Variants in BDP1 observed in about 807,000 individuals in gnomAD.
BDP1 encodes transcription factor TFIIIB component B'' homolog.
A neutral mutation model predicts 266.6 loss-of-function variants in BDP1; 169 were observed. That is an observed-to-expected ratio of 0.63 (90% CI 0.56 to 0.72). The LOEUF (loss-of-function observed/expected upper bound fraction) is 0.72, where lower values mean the gene tolerates loss of function less well. Ranked by LOEUF, BDP1 falls within the 30% of genes least tolerant of loss-of-function variation. The probability of loss-of-function intolerance (pLI) is 0.00; values close to 1 mark genes in which losing one functional copy is unlikely to be tolerated. For missense variants in BDP1, 3,015 were observed against 3,053.8 expected, an observed-to-expected ratio of 0.99 and a Z score of 0.30; for synonymous variants, 1,090 against 1,022.4, an observed-to-expected ratio of 1.07 and a Z score of -1.26.
chr5:71,576,494 G>A, the BDP1 span, among the ~76,000 whole-genome samples: 6 of 152,250 alleles, frequency 3.9e-5, no homozygotes, highest in Admixed American at 3.3e-4. Context: ...TAATGTAACC[G>A]GTGTGCTAAC....
intron 22 of BDP1, among the ~76,000 whole-genome samples, chr5:71,521,360 T>A (rs1229887525): frequency 6.7e-6 from 1 of 149,504 alleles, no homozygotes; most frequent in Non-Finnish European, 1.5e-5. Flanking sequence ...TGGTGCAACT[T>A]CGCCTCACTG....
intron 4 of BDP1, 123 bp from the exon 5 acceptor site, chr5:71,465,973 T>G: frequency 9.7e-7 from 1 of 1,030,110 alleles, no homozygotes; most frequent in Non-Finnish European, 1.4e-6. Flanking sequence ...TGTTTTCATT[T>G]GGATTATAGG....
chr5:71,547,676 C>A lies in BDP1; in HGVS notation c.6745-1006C>A, dbSNP rs550651819. On this transcript the variant is annotated intron_variant, in intron 32 of 38. Coordinates refer to ENST00000358731, the MANE Select transcript of BDP1 (RefSeq NM_018429.3). ...GTTTTAAGATTTTAAGCAGGCCAGGCGCAGTGGCTCACACCTGTATTCCAG... is the reference window on the plus strand; with the variant it reads ...GTTTTAAGATTTTAAGCAGGCCAGGAGCAGTGGCTCACACCTGTATTCCAG... Among the ~76,000 whole-genome samples, 59 of 152,296 alleles carry A rather than the reference C, an allele frequency of 3.9e-4. No individual in the cohort carries two copies. In the South Asian group the frequency reaches 4.8e-3, roughly 12 times the overall value.
chr5:71,467,545 T>G, intron 6 of BDP1, 58 bp downstream of exon 6: 6 of 1,430,378 alleles, frequency 4.2e-6, no homozygotes, highest in Non-Finnish European at 5.8e-6. Flanking sequence ...ATTGACTGTT[T>G]CTGAATTAAA....
rs368155754 is a variant in BDP1 at position 71,496,008 on chromosome 5, C to T, written c.1799+600C>T. Among the ~76,000 whole-genome samples the T allele has an allele frequency of 1.5e-3, 235 of 151,974 alleles. 4 individuals carry two copies. In the South Asian group the frequency reaches 0.041, roughly 27 times the overall value. On this transcript the variant is annotated intron_variant, in intron 12 of 38. Coordinates refer to ENST00000358731, the MANE Select transcript of BDP1 (RefSeq NM_018429.3). ...CTGTAATCCCAGCACTTTGGGAGGC[C>T]GAGGCGGGCGGATCAGGAGGTCAGG...
rs138908850 is a variant in BDP1 at position 71,466,954 on chromosome 5, A to G, written c.786-400A>G. Among the ~76,000 whole-genome samples the G allele has an allele frequency of 2.4e-3, 368 of 152,324 alleles. 2 individuals are homozygous for G. Among genetic ancestry groups the G allele is most frequent in the African/African-American group, 8.5e-3 (354 of 41,584 alleles). On this transcript the variant is annotated intron_variant, in intron 5 of 38. Transcript: ENST00000358731. ...TTACTGGTCATTAAATAGTTAGAGCATATTTAACTGCTTTCTCTGCAGGAA... is the reference window on the plus strand; with the variant it reads ...TTACTGGTCATTAAATAGTTAGAGCGTATTTAACTGCTTTCTCTGCAGGAA...
At chr5:71,515,235 G>A (rs867390632) in intron 20 of BDP1, 113 bp downstream of exon 20, 33 of 848,790 alleles carry the variant, frequency 3.9e-5, no homozygotes, top group Middle Eastern at 3.6e-4. Context: ...AAAGAATATT[G>A]GTTTAATTTT....
chr5:71,461,873 A>G lies in BDP1; in HGVS notation c.546A>G (p.Ser182=). The G allele has an allele frequency of 1.9e-6, 3 of 1,609,178 alleles. No individual in the cohort carries two copies. The highest frequency in any genetic ancestry group is 2.5e-6 in the Non-Finnish European group (3 of 1,176,588). The part of the protein sequence containing the change: ...INESQRPPDR[S]KMTMRDFIYY... The stretch of plus-strand genomic sequence containing the variant: ...AAAGTCAGAGGCCACCAGATCGTTC[A>G]AAAATGACTATGAGAGACTTCATAT... The change falls in exon 3 of 39, where the codon TCA becomes TCG. Residue 182 remains serine, a synonymous_variant. Transcript: ENST00000358731.
At position 71,522,792 on chromosome 5, in the gene BDP1, G is replaced by A; in HGVS notation, c.5230G>A (p.Ala1744Thr). Residue 1744 changes from alanine (A) to threonine (T), a missense_variant, in exon 24 of 39, where the codon GCA becomes ACA. Coordinates refer to ENST00000358731, the MANE Select transcript of BDP1 (RefSeq NM_018429.3). ...GCTTCTGACATCTCTGGAGGTTTCA[G>A]CAAGAAAAGATTGTGTAGGTTCCAA... Reference protein sequence around the residue: ...AELLTSLEVSARKDCVGSKES... With the variant: ...AELLTSLEVSTRKDCVGSKES... 1 of 1,606,738 alleles carries A rather than the reference G, an allele frequency of 6.2e-7. No individual in the cohort carries two copies. Among genetic ancestry groups the A allele is most frequent in the Non-Finnish European group, 8.5e-7 (1 of 1,178,384 alleles).
intron 7 of BDP1, among the ~76,000 whole-genome samples, chr5:71,476,726 T>C (rs193037157): frequency 1.4e-3 from 205 of 150,582 alleles, no homozygotes; most frequent in African/African-American, 4.6e-3. Flanking sequence ...TTTTTTGAGA[T>C]GGAGTCTCGC....
Position 71,549,419 on chromosome 5 carries a change from G to A in BDP1, c.6809-1G>A. ...TATTACTAACTTTTAAACTTTGATA[G>A]TGAATCTAGTTGCTAATGTACCTCA... is the stretch of plus-strand genomic sequence containing the variant. On this transcript the variant is annotated splice_acceptor_variant, in intron 33 of 38. Transcript: ENST00000358731. LOFTEE classifies it high-confidence loss of function. 2.5e-6 allele frequency: 4 copies of A among 1,604,798 alleles called. No homozygotes were observed. Among genetic ancestry groups the A allele is most frequent in the Middle Eastern group, 1.7e-4 (1 of 6,018 alleles).
chr5:71,524,782 C>A (rs1331717917), intron 25 of BDP1, among the ~76,000 whole-genome samples: 1 of 149,844 alleles, frequency 6.7e-6, no homozygotes, highest in African/African-American at 2.5e-5. Context: ...GACCCTGCGG[C>A]CTTCCGCAGT....
chr5:71,471,495 TAAA>T (rs1762252515), intron 7 of BDP1, among the ~76,000 whole-genome samples: 1 of 152,164 alleles, frequency 6.6e-6, no homozygotes, highest in African/African-American at 2.4e-5. Flanking sequence ...TAGGAAAGCT[TAAA>T]GAGAAGAAAT....
At chr5:71,562,832 A>C in intron 38 of BDP1, 1 of 1,312,554 alleles carries the variant, frequency 7.6e-7, no homozygotes, top group Non-Finnish European at 1.0e-6. Flanking sequence ...CAAGAATTTA[A>C]GGAACTGTAA....
At chr5:71,562,860 A>G (rs1034909007) in intron 38 of BDP1, 170 of 1,295,922 alleles carry the variant, frequency 1.3e-4, no homozygotes, top group Non-Finnish European at 1.6e-4. Context: ...ATTTGTTCAC[A>G]TGTTTCATTT....
rs749051017 is a variant in BDP1 at position 71,513,251 on chromosome 5, C to G, written c.4314C>G (p.Phe1438Leu). The G allele has an allele frequency of 1.2e-6, 2 of 1,613,556 alleles. No homozygotes were observed. The highest frequency in any genetic ancestry group is 1.7e-5 in the Admixed American group (1 of 59,934). ...IKPAPFVRSR[F>L]KRPKPNLARA... ...CAGCACCTTTTGTGAGGAGCCGATT[C>G]AAAAGACCAAAACCAAACTTAGCAA... Residue 1438 changes from phenylalanine to leucine, a missense_variant, in exon 19 of 39, where the codon TTC becomes TTG. Physicochemically the swap from Phe to Leu is conservative, Grantham distance 22 (BLOSUM62 0). Around this residue, in one of 3 missense-constraint regions of BDP1, gnomAD observed 2,383 missense variants for 2,404.9 expected, o/e 0.99. Transcript: ENST00000358731.
intron 7 of BDP1, 60 bp downstream of exon 7, chr5:71,470,549 A>C: frequency 9.3e-7 from 1 of 1,072,424 alleles, no homozygotes; most frequent in Non-Finnish European, 1.4e-6. Flanking sequence ...AAATGTTAGT[A>C]GTATTATTCG....
chr5:71,562,948 A>G lies in BDP1; in HGVS notation c.7743+428A>G, dbSNP rs145488287. ...AACCTGTATCAAAGACTTTGTAAAA[A>G]TATTGGGGTGACTTAAGATCTTGAC... On this transcript the variant is annotated intron_variant, in intron 38 of 38. Coordinates refer to ENST00000358731, the MANE Select transcript of BDP1 (RefSeq NM_018429.3). 1.7e-3 allele frequency: 1,988 copies of G among 1,204,238 alleles called. 6 individuals are homozygous for G. Among genetic ancestry groups the G allele is most frequent in the Non-Finnish European group, 2.0e-3 (1,895 of 944,948 alleles). 74.6% of individuals were successfully genotyped at this position (1,204,238 alleles called of 1,614,324 possible). A position where few individuals can be genotyped will look rare whatever the true frequency, so the allele number is the denominator to read the frequency against.
Position 71,456,123 on chromosome 5 carries a change from T to A in BDP1, c.212+34T>A, listed in dbSNP as rs910029114. On this transcript the variant is annotated intron_variant, in intron 1 of 38. Coordinates refer to ENST00000358731, the MANE Select transcript of BDP1 (RefSeq NM_018429.3). ...TTGCAGAGGGAAGAATTTTCATTTG[T>A]CCCGCCTCTCCGGGCATGTCACCTG... is the stretch of plus-strand genomic sequence containing the variant. 13 of 1,577,634 alleles carry A rather than the reference T, an allele frequency of 8.2e-6. No homozygotes were observed. In the South Asian group the frequency reaches 1.5e-4, roughly 18 times the overall value.
Sources: allele counts gnomAD v4.1 joint callset (sites outside exome capture counted in the v4.1 genomes callset), GRCh38; gene constraint gnomAD v4.1.1; regional missense constraint gnomAD v4.1.1; transcripts MANE v1.5; gene names NCBI Gene and HGNC (gene_info 2026-07-23, HGNC 2026-07-21).